The following ATP8A2 variants were observed in gnomAD, a reference collection of about 807,000 sequenced individuals.
The protein encoded by ATP8A2 is phospholipid-transporting ATPase IB.
A neutral mutation model predicts 165.6 loss-of-function variants in ATP8A2; 100 were observed. That is an observed-to-expected ratio of 0.60 (90% CI 0.51 to 0.71). The LOEUF is 0.71. ATP8A2 is among the 30% of genes least tolerant of loss of function. The pLI, the probability that ATP8A2 is intolerant of heterozygous loss-of-function variation, is 0.00. For missense variants in ATP8A2, 1,227 were observed against 1,479.5 expected (o/e 0.83, Z 2.80); for synonymous variants, 543 against 548.8 (o/e 0.99, Z 0.15).
intron 33 of ATP8A2, among the ~76,000 whole-genome samples, chr13:25,898,023 C>T (rs1395936127): frequency 1.3e-5 from 2 of 152,216 alleles, no homozygotes; most frequent in African/African-American, 2.4e-5. Flanking sequence ...CTGAAGCCTT[C>T]CTCTCTCAAC....
chr13:25,715,863 T>A (rs909710633), intron 25 of ATP8A2, among the ~76,000 whole-genome samples: 9 of 152,312 alleles, frequency 5.9e-5, no homozygotes, highest in African/African-American at 2.2e-4. Context: ...TGGTTAACCT[T>A]CTAAAACAGA....
chr13:25,895,973 T>A (rs1214296639), intron 33 of ATP8A2, among the ~76,000 whole-genome samples: 1 of 152,208 alleles, frequency 6.6e-6, no homozygotes, highest in African/African-American at 2.4e-5. Context: ...GTTGATCTTT[T>A]CAAAAAACCA....
intron 6 of ATP8A2, among the ~76,000 whole-genome samples, chr13:25,536,387 A>T (rs994095948): frequency 6.6e-6 from 1 of 151,716 alleles, no homozygotes; most frequent in Non-Finnish European, 1.5e-5. Flanking sequence ...AAGTGTTGGG[A>T]TTATAGGCGT....
At chr13:25,859,000 C>T (rs935017475) in intron 30 of ATP8A2, among the ~76,000 whole-genome samples, 6 of 151,994 alleles carry the variant, frequency 3.9e-5, no homozygotes, top group East Asian at 1.9e-4. Context: ...GTCAGGAGTT[C>T]GAGACCAGCC....
intron 26 of ATP8A2, among the ~76,000 whole-genome samples, chr13:25,773,860 G>A (rs1262779582): frequency 6.6e-6 from 1 of 152,088 alleles, no homozygotes; most frequent in Admixed American, 6.5e-5. Flanking sequence ...TGCCTGTTAT[G>A]TGTCTCTGTG....
intron 33 of ATP8A2, among the ~76,000 whole-genome samples, chr13:25,959,984 C>T (rs374782800): frequency 1.6e-3 from 239 of 152,358 alleles, no homozygotes; most frequent in African/African-American, 5.6e-3. Flanking sequence ...GAAAGCAAGT[C>T]CTCCCATTCC....
chr13:25,568,799 A>G (rs2039388825), intron 16 of ATP8A2, among the ~76,000 whole-genome samples: 1 of 152,220 alleles, frequency 6.6e-6, no homozygotes, highest in Admixed American at 6.5e-5. Context: ...AATTTTTAAC[A>G]TCTAAGAAGA....
chr13:25,618,108 C>T (rs2040873220), intron 24 of ATP8A2, among the ~76,000 whole-genome samples: 1 of 152,100 alleles, frequency 6.6e-6, no homozygotes, highest in Non-Finnish European at 1.5e-5. Flanking sequence ...TGACATAAGT[C>T]TTATGCTTCC....
At chr13:25,568,415 T>C (rs984887178) in intron 16 of ATP8A2, among the ~76,000 whole-genome samples, 1 of 152,218 alleles carries the variant, frequency 6.6e-6, no homozygotes, top group African/African-American at 2.4e-5. Flanking sequence ...ATTTTAAACA[T>C]GTATCATTTT....
At chr13:25,685,601 T>C (rs1566045939) in intron 24 of ATP8A2, among the ~76,000 whole-genome samples, 1 of 152,152 alleles carries the variant, frequency 6.6e-6, no homozygotes, top group East Asian at 1.9e-4. Flanking sequence ...AGGGCCTCCC[T>C]AAGAAGCCAC....
chr13:25,717,448 G>A (rs2043281521), intron 25 of ATP8A2, among the ~76,000 whole-genome samples: 1 of 141,110 alleles, frequency 7.1e-6, no homozygotes. Context: ...ACCAAGGTAG[G>A]CACTACCACT....
chr13:25,995,241 T>G (rs1371781661), intron 35 of ATP8A2, among the ~76,000 whole-genome samples: 1 of 151,712 alleles, frequency 6.6e-6, no homozygotes, highest in Non-Finnish European at 1.5e-5. Context: ...TTGCTAGAAG[T>G]TTGTTAATTT....
At chr13:25,727,044 C>A (rs1040589525) in intron 25 of ATP8A2, among the ~76,000 whole-genome samples, 4 of 152,092 alleles carry the variant, frequency 2.6e-5, no homozygotes, top group African/African-American at 9.7e-5. Flanking sequence ...ATCATATCCC[C>A]GTCCTTCTCC....
At chr13:25,511,228 A>ATT (rs35363277) in intron 2 of ATP8A2, among the ~76,000 whole-genome samples, 30 of 151,774 alleles carry the variant, frequency 2.0e-4, no homozygotes, top group Admixed American at 1.4e-3. Flanking sequence ...TCCTTAAACA[A>ATT]TTTTTTTTGC....
In ATP8A2 at chr13:25,530,572, A is replaced by C. The variant is rs769351213; in HGVS notation, c.332A>C (p.Asp111Ala). ...TCTCTTATCTTCCAGCAAATTCCAG[A>C]TGTATCTCCAACAGGAAGATATACC... is the stretch of plus-strand genomic sequence containing the variant. Reference protein sequence around the residue: ...LFIALLQQIPDVSPTGRYTTL... With the variant: ...LFIALLQQIPAVSPTGRYTTL... Residue 111 changes from aspartate to alanine, a missense_variant, in exon 4 of 37, where the codon GAT becomes GCT. By Grantham distance (126) the Asp-to-Ala change is moderately radical. Coordinates refer to ENST00000381655, the MANE Select transcript of ATP8A2 (RefSeq NM_016529.6). The C allele has an allele frequency of 4.4e-6, 7 of 1,574,894 alleles. 1 individual carries two copies. In the South Asian group the frequency reaches 8.1e-5, roughly 18 times the overall value.
At chr13:25,947,571 TC>T (rs1212715604) in intron 33 of ATP8A2, among the ~76,000 whole-genome samples, 1 of 152,072 alleles carries the variant, frequency 6.6e-6, no homozygotes, top group Non-Finnish European at 1.5e-5. Flanking sequence ...AGCTCAGAAG[TC>T]CCCTTTCATT....
intron 10 of ATP8A2, among the ~76,000 whole-genome samples, chr13:25,551,047 A>G (rs1004088586): frequency 7.2e-5 from 11 of 152,212 alleles, no homozygotes; most frequent in African/African-American, 2.7e-4. Flanking sequence ...GTGTTCTAAG[A>G]TAAGGAAAGT....
chr13:25,418,666 T>C (rs1402784562), intron 1 of ATP8A2, among the ~76,000 whole-genome samples: 1 of 152,184 alleles, frequency 6.6e-6, no homozygotes, highest in East Asian at 1.9e-4. Flanking sequence ...TGAGCTGAGC[T>C]GCCACCTGAC....
chr13:25,454,750 C>A (rs531947017), intron 1 of ATP8A2, among the ~76,000 whole-genome samples: 106 of 152,178 alleles, frequency 7.0e-4, no homozygotes, highest in Non-Finnish European at 1.3e-3. Context: ...GGTGAAACCC[C>A]GTCTCTACTA....
Sources: allele counts gnomAD v4.1 joint callset (sites outside exome capture counted in the v4.1 genomes callset), GRCh38; gene constraint gnomAD v4.1.1; transcripts MANE v1.5; gene names NCBI Gene and HGNC (gene_info 2026-07-23, HGNC 2026-07-21).